The following RMDN2 variants were observed in gnomAD, a reference collection of about 807,000 sequenced individuals.
RMDN2 encodes regulator of microtubule dynamics protein 2.
In RMDN2, 61 loss-of-function variants were observed where a neutral mutation model predicts 52.8. The observed-to-expected ratio is 1.16, with a 90% CI of 0.94 to 1.43. RMDN2 has a LOEUF of 1.43. Among genes scored for constraint, RMDN2 ranks in the 40% most tolerant of loss-of-function variants. The pLI, the probability that RMDN2 is intolerant of heterozygous loss-of-function variation, is 0.00. For synonymous variants in RMDN2, 180 were observed against 153.1 expected (o/e 1.18, Z -1.30); for missense variants, 592 against 475.3 (o/e 1.25, Z -2.28).
intron 2 of RMDN2, among the ~76,000 whole-genome samples, chr2:37,967,118 C>T (rs1234044456): frequency 1.3e-5 from 2 of 152,064 alleles, no homozygotes; most frequent in Non-Finnish European, 2.9e-5. Context: ...GACACTTCCA[C>T]ATCAATTTGC....
At chr2:37,988,058 C>G (rs1022336858) in intron 5 of RMDN2, among the ~76,000 whole-genome samples, 1 of 152,000 alleles carries the variant, frequency 6.6e-6, no homozygotes, top group African/African-American at 2.4e-5. Flanking sequence ...GTCTTCATCT[C>G]TAAATAAATA....
intron 2 of RMDN2, among the ~76,000 whole-genome samples, chr2:37,937,221 T>C (rs1239478397): frequency 6.6e-6 from 1 of 152,106 alleles, no homozygotes; most frequent in Non-Finnish European, 1.5e-5. Flanking sequence ...TGTAGATGTG[T>C]GGTGTTATTT....
chr2:37,974,403 A>C (rs865888993), intron 3 of RMDN2, among the ~76,000 whole-genome samples, 189 bp downstream of exon 3: 11 of 151,966 alleles, frequency 7.2e-5, no homozygotes, highest in African/African-American at 2.4e-4. Flanking sequence ...ATTTTAAAAA[A>C]GTAAATGTAA....
At chr2:38,035,465 T>A (rs1339867464) in intron 10 of RMDN2, among the ~76,000 whole-genome samples, 1 of 152,008 alleles carries the variant, frequency 6.6e-6, no homozygotes, top group Non-Finnish European at 1.5e-5. Context: ...ATCAAACAAG[T>A]AAGAGTAGTT....
rs1399169745 is a variant in RMDN2, at chr2:38,010,227, C to G, written c.1179+6011C>G. The stretch of plus-strand genomic sequence containing the variant: ...GCTGCGTGCTGGGAGAACCACTACT[C>G]TCTTCAGTGCTGTCAGACAGGGACA... On this transcript the variant is annotated intron_variant, in intron 10 of 10. Coordinates refer to ENST00000354545, the MANE Select transcript of RMDN2 (RefSeq NM_001170791.3). 3.3e-5 allele frequency among the ~76,000 whole-genome samples: 5 copies of G among 152,210 alleles called. No homozygotes were observed. In the East Asian group the frequency reaches 7.7e-4, roughly 23 times the overall value.
intron 10 of RMDN2, among the ~76,000 whole-genome samples, chr2:38,027,654 C>A (rs1202727359): frequency 6.6e-6 from 1 of 152,020 alleles, no homozygotes; most frequent in Non-Finnish European, 1.5e-5. Flanking sequence ...TTTATTTGTC[C>A]ATTTTTCAAT....
At chr2:37,977,826 C>G (rs114893521) in intron 4 of RMDN2, among the ~76,000 whole-genome samples, 20,132 of 151,550 alleles carry the variant, frequency 0.13, 1,544 homozygotes, top group Non-Finnish European at 0.17. Context: ...AGGCGCTCCT[C>G]AGTTCCCAGA....
intron 10 of RMDN2, 21 bp from the exon 11 acceptor site, chr2:38,017,165 G>T (rs761325496): frequency 6.9e-7 from 1 of 1,439,992 alleles, no homozygotes; most frequent in South Asian, 1.3e-5. Context: ...ATTTCATTAT[G>T]TATTTGTATT....
At chr2:37,962,435 G>A (rs975541944) in intron 2 of RMDN2, among the ~76,000 whole-genome samples, 3 of 152,200 alleles carry the variant, frequency 2.0e-5, no homozygotes, top group Non-Finnish European at 4.4e-5. Flanking sequence ...CATTGGCTTT[G>A]CTGCACTGCA....
At chr2:38,011,868 G>A (rs545453783) in intron 10 of RMDN2, among the ~76,000 whole-genome samples, 3 of 152,068 alleles carry the variant, frequency 2.0e-5, no homozygotes, top group Non-Finnish European at 4.4e-5. Context: ...ACTTTCCCCC[G>A]GACCACAGAT....
At chr2:37,921,165 A>T (rs1023763809), upstream of RMDN2, among the ~76,000 whole-genome samples, 1 of 152,296 alleles carries the variant, frequency 6.6e-6, no homozygotes, top group African/African-American at 2.4e-5. Flanking sequence ...ACCATTTTTA[A>T]TTTGTTCAGT....
chr2:38,042,204 G>T (rs1050310330), intron 10 of RMDN2, among the ~76,000 whole-genome samples: 1 of 152,074 alleles, frequency 6.6e-6, no homozygotes, highest in Non-Finnish European at 1.5e-5. Context: ...AATTAGTCCA[G>T]TTCATCTAAG....
chr2:37,989,275 A>G (rs985055053), intron 5 of RMDN2, among the ~76,000 whole-genome samples: 2 of 152,142 alleles, frequency 1.3e-5, no homozygotes, highest in Non-Finnish European at 2.9e-5. Flanking sequence ...TGTCCTGGTC[A>G]CTGTTCTAAT....
intron 2 of RMDN2, among the ~76,000 whole-genome samples, chr2:37,935,979 C>T (rs569950654): frequency 1.3e-5 from 2 of 152,126 alleles, no homozygotes; most frequent in South Asian, 2.1e-4. Flanking sequence ...AGACATGTGC[C>T]GTGGTGGTTT....
At chr2:38,042,864 G>A (rs1343872380) in intron 10 of RMDN2, among the ~76,000 whole-genome samples, 1 of 152,064 alleles carries the variant, frequency 6.6e-6, no homozygotes, top group Non-Finnish European at 1.5e-5. Context: ...CTGTGAATAT[G>A]TTTGTATGAT....
At chr2:38,010,066 C>A (rs1031727909) in intron 10 of RMDN2, among the ~76,000 whole-genome samples, 1 of 152,194 alleles carries the variant, frequency 6.6e-6, no homozygotes, top group Non-Finnish European at 1.5e-5. Flanking sequence ...GATCGTTCCT[C>A]TGGAAGTTTT....
intron 10 of RMDN2, among the ~76,000 whole-genome samples, chr2:38,027,893 G>C (rs2125268926): frequency 6.6e-6 from 1 of 152,304 alleles, no homozygotes; most frequent in Non-Finnish European, 1.5e-5. Flanking sequence ...CTCTCAGACA[G>C]ACTGGCCCCA....
intron 10 of RMDN2, among the ~76,000 whole-genome samples, chr2:38,027,561 T>G (rs1436680920): frequency 1.3e-5 from 2 of 152,216 alleles, no homozygotes; most frequent in African/African-American, 4.8e-5. Flanking sequence ...ATGCTTCCAC[T>G]CGATAAAATA....
Position 38,006,270 on chromosome 2 carries a change from T to A in RMDN2, c.1179+2054T>A, listed in dbSNP as rs1331808764. On this transcript the variant is annotated intron_variant, in intron 10 of 10. Coordinates refer to ENST00000354545, the MANE Select transcript of RMDN2 (RefSeq NM_001170791.3). ...CATTGGTAGCTTGATGGGGATGACA[T>A]TGAATCTATAAATTACCTTGGTCAG... Among the ~76,000 whole-genome samples the A allele has an allele frequency of 4.6e-5, 7 of 152,314 alleles. No homozygotes were observed. The East Asian group carries it at 1.4e-3, about 29-fold the overall frequency.
Sources: allele counts gnomAD v4.1 joint callset (sites outside exome capture counted in the v4.1 genomes callset), GRCh38; gene constraint gnomAD v4.1.1; transcripts MANE v1.5; gene names NCBI Gene and HGNC (gene_info 2026-07-23, HGNC 2026-07-21).